The following UNC13C variants were observed in gnomAD, a reference collection of about 807,000 sequenced individuals.
The protein encoded by UNC13C is unc-13 homolog C, also known as protein unc-13 homolog C.
A neutral mutation model predicts 245.4 loss-of-function variants in UNC13C; 174 were observed. The observed-to-expected ratio is 0.71, with a 90% confidence interval of 0.63 to 0.80. The LOEUF (loss-of-function observed/expected upper bound fraction) is 0.80, where lower values mean the gene tolerates loss of function less well. Among genes scored for constraint, UNC13C ranks in the 30% least tolerant of loss-of-function variants. UNC13C has a pLI of 0.00. For synonymous variants in UNC13C, 992 were observed against 895.1 expected, an observed-to-expected ratio of 1.11 and a Z score of -1.93; for missense variants, 2,829 against 2,602.9, an observed-to-expected ratio of 1.09 and a Z score of -1.89.
the UNC13C span, chr15:53,955,733 T>G: frequency 2.0e-5 from 3 of 152,210 alleles, no homozygotes; most frequent in African/African-American, 7.2e-5. Context: ...TTAAACATGC[T>G]CCATCAGCTG....
the UNC13C span, among the ~76,000 whole-genome samples, chr15:53,908,728 G>A: frequency 4.4e-5 from 5 of 112,746 alleles, no homozygotes; most frequent in African/African-American, 1.6e-4. Flanking sequence ...CTCCAGTCTG[G>A]GTGACAGAAT....
intron 19 of UNC13C, among the ~76,000 whole-genome samples, chr15:54,450,148 T>C (rs1194256912): frequency 6.6e-6 from 1 of 152,174 alleles, no homozygotes; most frequent in Non-Finnish European, 1.5e-5. Flanking sequence ...CTCAGAGGGC[T>C]ACCCAGCCAC....
intron 2 of UNC13C, among the ~76,000 whole-genome samples, chr15:54,046,124 T>C (rs1169797828): frequency 6.6e-6 from 1 of 152,180 alleles, no homozygotes; most frequent in African/African-American, 2.4e-5. Context: ...TTGTCTTTAT[T>C]GCTACATAAT....
At chr15:54,109,821 C>T (rs1314636934) in intron 2 of UNC13C, among the ~76,000 whole-genome samples, 2 of 151,998 alleles carry the variant, frequency 1.3e-5, no homozygotes, top group Non-Finnish European at 2.9e-5. Context: ...GTGGATATCT[C>T]CCTCCTCCCA....
downstream of UNC13C, chr15:54,630,232 C>T (rs1053387036): frequency 6.6e-6 from 1 of 152,186 alleles, no homozygotes; most frequent in Non-Finnish European, 1.5e-5. Flanking sequence ...GGAGTATTTG[C>T]TATTCGAAGG....
intron 18 of UNC13C, among the ~76,000 whole-genome samples, chr15:54,403,575 G>A (rs1028729229): frequency 6.6e-6 from 1 of 151,684 alleles, no homozygotes; most frequent in East Asian, 1.9e-4. Flanking sequence ...AATTAGCCAG[G>A]CATTTTGCCA....
chr15:54,135,918 G>T (rs1268438738), intron 2 of UNC13C, among the ~76,000 whole-genome samples: 2 of 152,058 alleles, frequency 1.3e-5, no homozygotes, highest in African/African-American at 4.8e-5. Context: ...AGATTCCTTT[G>T]AATCTGTAGG....
chr15:54,486,391 A>G (rs1456295782), intron 19 of UNC13C, among the ~76,000 whole-genome samples: 1 of 151,404 alleles, frequency 6.6e-6, no homozygotes, highest in Non-Finnish European at 1.5e-5. Flanking sequence ...GTGAGCCAAG[A>G]TCACGCCACT....
intron 18 of UNC13C, among the ~76,000 whole-genome samples, chr15:54,414,275 T>A (rs2040474154): frequency 6.6e-6 from 1 of 152,144 alleles, no homozygotes; most frequent in Non-Finnish European, 1.5e-5. Context: ...GAGGGACATA[T>A]ATGAGGTGTG....
chr15:54,052,194 C>T (rs1435251900), intron 2 of UNC13C, among the ~76,000 whole-genome samples: 1 of 103,608 alleles, frequency 9.7e-6, no homozygotes, highest in Non-Finnish European at 2.0e-5. Context: ...CAAGTCTTTG[C>T]TATTGTGAAT....
At chr15:54,416,345 C>G (rs111322112) in intron 19 of UNC13C, among the ~76,000 whole-genome samples, 3 of 151,884 alleles carry the variant, frequency 2.0e-5, no homozygotes, top group Non-Finnish European at 2.9e-5. Context: ...TTCAGTTTTT[C>G]TTATTTGGAA....
chr15:54,262,849 C>T (rs2036461381), intron 8 of UNC13C, among the ~76,000 whole-genome samples: 2 of 152,074 alleles, frequency 1.3e-5, no homozygotes, highest in African/African-American at 4.8e-5. Flanking sequence ...ATTACACTTT[C>T]AAATAAATGA....
At chr15:54,379,148 CTTA>C (rs1183986725) in intron 17 of UNC13C, among the ~76,000 whole-genome samples, 1 of 151,848 alleles carries the variant, frequency 6.6e-6, no homozygotes, top group Non-Finnish European at 1.5e-5. Context: ...TAGCAACAGT[CTTA>C]TTATGTTATT....
intron 2 of UNC13C, among the ~76,000 whole-genome samples, chr15:54,042,861 AAAAGAAAAAG>A (rs969760090): frequency 3.1e-4 from 17 of 54,282 alleles, no homozygotes; most frequent in South Asian, 1.3e-3. Flanking sequence ...TCAGAAAAGA[AAAAGAAAAAG>A]AAAAAGAAAC....
At chr15:54,345,184 C>G (rs571446061) in intron 17 of UNC13C, among the ~76,000 whole-genome samples, 1 of 152,166 alleles carries the variant, frequency 6.6e-6, no homozygotes, top group Non-Finnish European at 1.5e-5. Context: ...TTTACCCCTG[C>G]TTTTTATGAC....
chr15:54,494,773 A>T, intron 20 of UNC13C, 39 bp downstream of exon 20: 1 of 1,596,728 alleles, frequency 6.3e-7, no homozygotes. Flanking sequence ...TCAGATCTAA[A>T]TTCACATTCC....
chr15:54,345,924 G>T lies in UNC13C; in HGVS notation c.4713+7435G>T, dbSNP rs540285374. ...GACTTTGCCTGCCTTATATTTACCTGCCTGGAGCGGGCATCCCTTCTCCAA... is the reference window on the plus strand; with the variant it reads ...GACTTTGCCTGCCTTATATTTACCTTCCTGGAGCGGGCATCCCTTCTCCAA... On this transcript the variant is annotated intron_variant, in intron 17 of 32. Transcript: ENST00000260323. Among the ~76,000 whole-genome samples the T allele has an allele frequency of 2.6e-5, 4 of 152,198 alleles. No individual in the cohort carries two copies. In the South Asian group the frequency reaches 8.3e-4, roughly 32 times the overall value.
intron 15 of UNC13C, among the ~76,000 whole-genome samples, chr15:54,332,468 A>G (rs1408942141): frequency 6.6e-6 from 1 of 151,950 alleles, no homozygotes; most frequent in Non-Finnish European, 1.5e-5. Context: ...TGTTACTGAA[A>G]TACTCTGCTG....
chr15:54,001,102 C>T (rs906913388), intron 1 of UNC13C, among the ~76,000 whole-genome samples: 1 of 152,138 alleles, frequency 6.6e-6, no homozygotes, highest in African/African-American at 2.4e-5. Context: ...CTGTTTGTAG[C>T]TGAGCAGGTT....
Sources: allele counts gnomAD v4.1 joint callset (sites outside exome capture counted in the v4.1 genomes callset), GRCh38; gene constraint gnomAD v4.1.1; transcripts MANE v1.5; gene names NCBI Gene and HGNC (gene_info 2026-07-23, HGNC 2026-07-21).